Variants in LYPD6 observed in about 807,000 individuals in gnomAD.
LYPD6 encodes the protein ly6/PLAUR domain-containing protein 6.
LYPD6 carries 15 observed loss-of-function variants against 22.7 expected under a neutral mutation model. The ratio of observed to expected loss-of-function variants is 0.66; its 90% CI spans 0.44 to 1.02. The LOEUF (loss-of-function observed/expected upper bound fraction) is 1.02, where lower values mean the gene tolerates loss of function less well. Ranked by LOEUF, LYPD6 falls within the 50% of genes least tolerant of loss-of-function variation. The pLI is 0.00. For missense variants in LYPD6, 189 were observed against 208.4 expected, an observed-to-expected ratio of 0.91 and a Z score of 0.57; for synonymous variants, 72 against 77.5, an observed-to-expected ratio of 0.93 and a Z score of 0.37.
At chr2:149,391,459 GT>G (rs202103297) in intron 1 of LYPD6, among the ~76,000 whole-genome samples, 49 of 149,048 alleles carry the variant, frequency 3.3e-4, no homozygotes, top group African/African-American at 1.0e-3. Flanking sequence ...ATGCTTGTGG[GT>G]TTTTTTTTTC....
At chr2:149,384,022 C>A (rs1682125710) in intron 1 of LYPD6, among the ~76,000 whole-genome samples, 1 of 152,150 alleles carries the variant, frequency 6.6e-6, no homozygotes. Context: ...TTTTTCTACA[C>A]TGTGAGCTGC....
intron 1 of LYPD6, among the ~76,000 whole-genome samples, chr2:149,418,399 G>T (rs1207817969): frequency 6.6e-6 from 1 of 151,300 alleles, no homozygotes; most frequent in South Asian, 2.1e-4. Flanking sequence ...TGTTGCTCAC[G>T]CATTATCTAG....
Position 149,432,696 on chromosome 2 carries a change from A to G in LYPD6, c.-71-4942A>G, listed in dbSNP as rs1450291231. On this transcript the variant is annotated intron_variant, in intron 1 of 4. Coordinates refer to ENST00000334166, the MANE Select transcript of LYPD6 (RefSeq NM_194317.5). The stretch of plus-strand genomic sequence containing the variant: ...ATGAGCACGTTGCCTCCTGTTTTCT[A>G]GATTTATTTCCATCTCTCTTTTCCC... Among the ~76,000 whole-genome samples, 3 of 152,162 alleles carry G rather than the reference A, an allele frequency of 2.0e-5. No homozygotes were observed. In the South Asian group the frequency reaches 6.2e-4, roughly 32 times the overall value.
chr2:149,463,502 A>G (rs1681132342), intron 3 of LYPD6, among the ~76,000 whole-genome samples: 1 of 152,186 alleles, frequency 6.6e-6, no homozygotes. Flanking sequence ...ACATGCAACT[A>G]CCACATAACC....
At chr2:149,456,751 A>G (rs993304336) in intron 3 of LYPD6, among the ~76,000 whole-genome samples, 1 of 152,166 alleles carries the variant, frequency 6.6e-6, no homozygotes, top group African/African-American at 2.4e-5. Flanking sequence ...AGCCTCCAGG[A>G]CTGTGAGAAA....
At chr2:149,485,349 T>C in the LYPD6 span, among the ~76,000 whole-genome samples, 4 of 152,160 alleles carry the variant, frequency 2.6e-5, no homozygotes, top group African/African-American at 9.7e-5. Flanking sequence ...TGCAACTTTC[T>C]TATCAATTTA....
chr2:149,344,765 G>A (rs981155889), intron 1 of LYPD6, among the ~76,000 whole-genome samples: 8 of 152,302 alleles, frequency 5.3e-5, no homozygotes, highest in African/African-American at 1.4e-4. Flanking sequence ...GTGGAGGAAG[G>A]TATAGACATC....
In LYPD6 at chr2:149,369,354, G is replaced by T. The variant is rs374269833; in HGVS notation, c.-72+38632G>T. Among the ~76,000 whole-genome samples, 75 of 152,248 alleles carry T rather than the reference G, an allele frequency of 4.9e-4. No homozygotes were observed. The South Asian group carries it at 0.015, about 30-fold the overall frequency. On this transcript the variant is annotated intron_variant, in intron 1 of 4. Transcript: ENST00000334166. ...AAGGTCCTCATATTGCAGCAAGGCT[G>T]TTCCCTTTTTCTGTCTAAAAACCAT...
intron 1 of LYPD6, among the ~76,000 whole-genome samples, chr2:149,430,313 T>C (rs1683285240): frequency 2.0e-5 from 3 of 152,284 alleles, no homozygotes; most frequent in Admixed American, 1.3e-4. Flanking sequence ...TTGGCCAGAC[T>C]GGTCTCAAAC....
chr2:149,476,046 A>G (rs938808189), downstream of LYPD6, among the ~76,000 whole-genome samples: 3 of 152,194 alleles, frequency 2.0e-5, no homozygotes, highest in Non-Finnish European at 4.4e-5. Flanking sequence ...CTACCTGCTT[A>G]GATTTATACA....
At chr2:149,436,216 A>G (rs1053881095) in intron 1 of LYPD6, among the ~76,000 whole-genome samples, 2 of 152,178 alleles carry the variant, frequency 1.3e-5, no homozygotes, top group Non-Finnish European at 2.9e-5. Flanking sequence ...TATTTTTACA[A>G]AGTAATTATG....
At chr2:149,418,181 C>T (rs1207164183) in intron 1 of LYPD6, among the ~76,000 whole-genome samples, 3 of 152,156 alleles carry the variant, frequency 2.0e-5, no homozygotes, top group South Asian at 2.1e-4. Flanking sequence ...CTTTTTTCTC[C>T]TGTTGATTAT....
intron 1 of LYPD6, among the ~76,000 whole-genome samples, chr2:149,355,308 A>G (rs1216117569): frequency 6.6e-6 from 1 of 152,220 alleles, no homozygotes; most frequent in African/African-American, 2.4e-5. Context: ...TTACACTGAT[A>G]TGATTGGAAT....
At chr2:149,376,827 G>A (rs138687190) in intron 1 of LYPD6, among the ~76,000 whole-genome samples, 68 of 152,296 alleles carry the variant, frequency 4.5e-4, no homozygotes, top group African/African-American at 1.3e-3. Flanking sequence ...CATTGCTACT[G>A]TTCCCTAATT....
At chr2:149,479,931 C>A in the LYPD6 span, among the ~76,000 whole-genome samples, 1 of 152,122 alleles carries the variant, frequency 6.6e-6, no homozygotes, top group Non-Finnish European at 1.5e-5. Flanking sequence ...CCTGCACTGG[C>A]CACATAGCCT....
At chr2:149,402,837 G>A (rs920445179) in intron 1 of LYPD6, among the ~76,000 whole-genome samples, 6 of 151,116 alleles carry the variant, frequency 4.0e-5, no homozygotes, top group African/African-American at 1.2e-4. Context: ...CCATTAACTC[G>A]TCATTTAGCA....
At chr2:149,415,287 C>T (rs1223249012) in intron 1 of LYPD6, among the ~76,000 whole-genome samples, 3 of 152,194 alleles carry the variant, frequency 2.0e-5, no homozygotes, top group Admixed American at 6.5e-5. Flanking sequence ...AACTCTCGTC[C>T]TTAGACTGGC....
chr2:149,337,869 T>C (rs1259747303), intron 1 of LYPD6, among the ~76,000 whole-genome samples: 2 of 152,228 alleles, frequency 1.3e-5, no homozygotes, highest in Non-Finnish European at 2.9e-5. Flanking sequence ...CTCTCACTTA[T>C]AAGAGCATGT....
At position 149,457,020 on chromosome 2, in the gene LYPD6, C is replaced by T. The variant is rs569224482; in HGVS notation, c.217+7873C>T. On this transcript the variant is annotated intron_variant, in intron 3 of 4. Transcript: ENST00000334166. Reference sequence around the variant, plus strand: ...AGATACTATAATTTATTCATTCTGTCGCTAATTGACATTTTTACAGCGTGT... The same window carrying T: ...AGATACTATAATTTATTCATTCTGTTGCTAATTGACATTTTTACAGCGTGT... 2.2e-3 allele frequency among the ~76,000 whole-genome samples: 340 copies of T among 152,298 alleles called. 3 individuals are homozygous for T. The highest frequency in any genetic ancestry group is 7.7e-3 in the African/African-American group (319 of 41,566).
Sources: gnomAD v4.1 joint callset for allele counts (sites outside exome capture counted in the v4.1 genomes callset) on GRCh38, gnomAD v4.1.1 for gene constraint, MANE v1.5 for transcripts, NCBI Gene and HGNC (gene_info 2026-07-23, HGNC 2026-07-21) for gene names.